The following TYW1 variants were observed in gnomAD, a reference collection of about 807,000 sequenced individuals.
TYW1 encodes S-adenosyl-L-methionine-dependent tRNA 4-demethylwyosine synthase TYW1.
Under a neutral mutation model 96.2 loss-of-function variants are expected in TYW1, and 46 were observed. That is an observed-to-expected ratio of 0.48 (90% confidence interval 0.38 to 0.61). TYW1 has a LOEUF of 0.61. TYW1 is among the 20% of genes least tolerant of loss of function. TYW1 has a pLI of 0.00. For synonymous variants in TYW1, 274 were observed against 323.0 expected, an observed-to-expected ratio of 0.85 and a Z score of 1.63; for missense variants, 684 against 909.6, an observed-to-expected ratio of 0.75 and a Z score of 3.19.
chr7:67,138,726 G>T (rs1170328708), intron 13 of TYW1, among the ~76,000 whole-genome samples: 2 of 152,236 alleles, frequency 1.3e-5, no homozygotes, highest in Admixed American at 1.3e-4. Flanking sequence ...GAGAACATGC[G>T]ATGTTTGCCT....
chr7:67,159,837 G>A (rs1315565870), intron 13 of TYW1, among the ~76,000 whole-genome samples: 2 of 151,212 alleles, frequency 1.3e-5, no homozygotes, highest in East Asian at 3.9e-4. Flanking sequence ...GTCTTGCTCT[G>A]TAGCCCAGGC....
chr7:67,204,835 C>T (rs1800728040), intron 15 of TYW1, among the ~76,000 whole-genome samples: 1 of 152,102 alleles, frequency 6.6e-6, no homozygotes, highest in Non-Finnish European at 1.5e-5. Context: ...TTCCAGTGAT[C>T]CACCCACCTC....
intron 13 of TYW1, among the ~76,000 whole-genome samples, chr7:67,152,184 G>A (rs1448702227): frequency 5.3e-5 from 8 of 152,090 alleles, no homozygotes; most frequent in Non-Finnish European, 4.4e-5. Flanking sequence ...CTGCCACAGA[G>A]ACCATTTGGT....
At chr7:67,090,585 C>T (rs1449276184) in intron 11 of TYW1, among the ~76,000 whole-genome samples, 3 of 152,114 alleles carry the variant, frequency 2.0e-5, no homozygotes, top group African/African-American at 7.2e-5. Context: ...AGAAAACTTG[C>T]TTAACCAAAA....
intron 13 of TYW1, among the ~76,000 whole-genome samples, chr7:67,167,191 C>T (rs10231863): frequency 0.25 from 37,310 of 151,814 alleles, 4,739 homozygotes; most frequent in South Asian, 0.3. Context: ...AAGTCATGGC[C>T]GGGCGCGGCG....
At chr7:67,092,674 CTTTTTTTTTTTTT>C (rs3980762) in intron 11 of TYW1, among the ~76,000 whole-genome samples, 6 of 92,448 alleles carry the variant, frequency 6.5e-5, no homozygotes, top group Non-Finnish European at 1.1e-4. Context: ...CTATCACCTT[CTTTTTTTTTTTTT>C]TTTTTTTTTT....
intron 3 of TYW1, among the ~76,000 whole-genome samples, chr7:67,007,476 C>T (rs1793638472): frequency 6.6e-6 from 1 of 152,120 alleles, no homozygotes; most frequent in Non-Finnish European, 1.5e-5. Flanking sequence ...GTAACAAAGC[C>T]ACTCCTGAGG....
rs369883890 is a variant in TYW1, at chr7:67,205,667, A to G, written c.1977+10330A>G. On this transcript the variant is annotated intron_variant, in intron 15 of 15. Coordinates refer to ENST00000359626, the MANE Select transcript of TYW1 (RefSeq NM_018264.4). ...TGGGAATCTAGGTTCCCCACTCAGT[A>G]TTTGCTGACCGGATGGGAATGAGGC... Among the ~76,000 whole-genome samples, 278 of 151,244 alleles carry G rather than the reference A, an allele frequency of 1.8e-3. 2 individuals carry two copies. Among genetic ancestry groups the G allele is most frequent in the South Asian group, 9.9e-3 (47 of 4,740 alleles).
intron 11 of TYW1, among the ~76,000 whole-genome samples, chr7:67,090,514 T>C (rs184890263): frequency 6.6e-6 from 1 of 152,200 alleles, no homozygotes; most frequent in Non-Finnish European, 1.5e-5. Context: ...TGTTAGTTAC[T>C]CTGCTGACTG....
At chr7:67,145,723 T>C (rs1351606539) in intron 13 of TYW1, among the ~76,000 whole-genome samples, 1 of 152,052 alleles carries the variant, frequency 6.6e-6, no homozygotes, top group African/African-American at 2.4e-5. Flanking sequence ...TTTTCAAATT[T>C]ATAGTATTTA....
At chr7:67,072,422 A>C (rs939204513) in intron 10 of TYW1, among the ~76,000 whole-genome samples, 1 of 151,648 alleles carries the variant, frequency 6.6e-6, no homozygotes, top group African/African-American at 2.4e-5. Flanking sequence ...AATTTTTTGT[A>C]TCTTTTACCA....
At chr7:67,128,757 T>C (rs541787467) in intron 13 of TYW1, among the ~76,000 whole-genome samples, 152 of 151,478 alleles carry the variant, frequency 1.0e-3, no homozygotes, top group African/African-American at 3.5e-3. Flanking sequence ...GGCACGATCT[T>C]GGCTCACTGC....
intron 14 of TYW1, among the ~76,000 whole-genome samples, chr7:67,188,749 A>G (rs1169312122): frequency 6.6e-6 from 1 of 152,144 alleles, no homozygotes; most frequent in African/African-American, 2.4e-5. Flanking sequence ...CAAATTTAGT[A>G]TTATGGTACC....
At chr7:67,027,868 TGTAGTGAGCAGAGATC>T (rs1177802830) in intron 7 of TYW1, among the ~76,000 whole-genome samples, 3 of 148,812 alleles carry the variant, frequency 2.0e-5, no homozygotes. Context: ...AGGCAGAGCT[TGTAGTGAGCAGAGATC>T]GCGCCACTGC....
At chr7:67,228,343 G>T (rs35325827) in intron 15 of TYW1, among the ~76,000 whole-genome samples, 1 of 151,966 alleles carries the variant, frequency 6.6e-6, no homozygotes, top group African/African-American at 2.4e-5. Flanking sequence ...ACCCCCCTTC[G>T]TAAAACCATC....
intron 3 of TYW1, among the ~76,000 whole-genome samples, chr7:67,003,708 GC>G (rs1793477685): frequency 6.6e-6 from 1 of 152,218 alleles, no homozygotes; most frequent in Non-Finnish European, 1.5e-5. Context: ...TGGTCTTTGT[GC>G]AAGGTTGTAT....
intron 7 of TYW1, among the ~76,000 whole-genome samples, chr7:67,031,013 C>T (rs950975592): frequency 1.6e-4 from 24 of 146,854 alleles, no homozygotes; most frequent in Non-Finnish European, 3.0e-4. Flanking sequence ...CCAACCTGGC[C>T]AACATGGTGA....
chr7:67,195,899 G>C (rs2116344992), intron 15 of TYW1, among the ~76,000 whole-genome samples: 1 of 148,912 alleles, frequency 6.7e-6, no homozygotes, highest in Non-Finnish European at 1.5e-5. Context: ...TCTTGATAGA[G>C]GTGGGCCACT....
rs1298865381 is a variant in TYW1 at position 67,239,382 on chromosome 7, A to C, written c.*853A>C. On this transcript the variant is annotated 3_prime_UTR_variant, in exon 16 of 16. Coordinates refer to ENST00000359626, the MANE Select transcript of TYW1 (RefSeq NM_018264.4). ...TCCTGTGGCCCTGGCTGCTTTACAC[A>C]ATCTGTTCTATAAGGTTCAGGTGTT... 4.1e-6 allele frequency: 4 copies of C among 984,760 alleles called. No homozygotes were observed. In the South Asian group the frequency reaches 1.9e-4, roughly 46 times the overall value. 61.0% of individuals were successfully genotyped at this position (984,760 alleles called of 1,614,324 possible).
Sources: allele counts gnomAD v4.1 joint callset (sites outside exome capture counted in the v4.1 genomes callset), GRCh38; gene constraint gnomAD v4.1.1; transcripts MANE v1.5; gene names NCBI Gene and HGNC (gene_info 2026-07-23, HGNC 2026-07-21).